The following SHANK2 variants were observed in gnomAD, a reference collection of about 807,000 sequenced individuals.
The protein encoded by SHANK2 is SH3 and multiple ankyrin repeat domains protein 2.
A neutral mutation model predicts 133.7 loss-of-function variants in SHANK2; 43 were observed. The observed-to-expected ratio is 0.32, with a 90% CI of 0.25 to 0.41. The LOEUF is 0.41. SHANK2 is among the 10% of genes least tolerant of loss of function. The probability of loss-of-function intolerance (pLI) is 1.00; values close to 1 mark genes in which losing one functional copy is unlikely to be tolerated. For missense variants in SHANK2, 1,994 were observed against 2,235.8 expected (o/e 0.89, Z 2.18); for synonymous variants, 1,017 against 952.8 (o/e 1.07, Z -1.24).
At chr11:70,930,265 G>A (rs1437654430) in intron 10 of SHANK2, among the ~76,000 whole-genome samples, 1 of 152,134 alleles carries the variant, frequency 6.6e-6, no homozygotes, top group African/African-American at 2.4e-5. Flanking sequence ...CACCACAGAC[G>A]TCATGCTCTG....
At chr11:70,754,889 C>A (rs1203096810) in intron 14 of SHANK2, among the ~76,000 whole-genome samples, 1 of 152,224 alleles carries the variant, frequency 6.6e-6, no homozygotes, top group East Asian at 1.9e-4. Context: ...AGATTTAACA[C>A]GGCCCCAGAT....
intron 10 of SHANK2, among the ~76,000 whole-genome samples, chr11:70,917,530 C>A (rs568241406): frequency 6.6e-6 from 1 of 152,142 alleles, no homozygotes; most frequent in Non-Finnish European, 1.5e-5. Context: ...GAATATAAAT[C>A]GTTCTATTAT....
At chr11:70,827,218 G>A (rs1469836219) in intron 11 of SHANK2, among the ~76,000 whole-genome samples, 3 of 150,522 alleles carry the variant, frequency 2.0e-5, no homozygotes, top group Non-Finnish European at 2.9e-5. Flanking sequence ...CCCACCCATC[G>A]AGGTAATTAC....
chr11:70,915,962 A>G (rs1255970392), intron 10 of SHANK2, among the ~76,000 whole-genome samples: 3 of 152,158 alleles, frequency 2.0e-5, no homozygotes, highest in Non-Finnish European at 2.9e-5. Flanking sequence ...AGACACAGAC[A>G]TGGGTTTCTG....
intron 14 of SHANK2, among the ~76,000 whole-genome samples, chr11:70,737,529 C>G (rs1039846488): frequency 3.3e-5 from 5 of 152,202 alleles, no homozygotes; most frequent in African/African-American, 1.2e-4. Flanking sequence ...GCATCTCGCT[C>G]CAGACATCCC....
chr11:70,946,911 TC>T (rs146706093), intron 10 of SHANK2, among the ~76,000 whole-genome samples: 3 of 137,494 alleles, frequency 2.2e-5, no homozygotes, highest in Admixed American at 7.2e-5. Flanking sequence ...AACCAACTCT[TC>T]CCCAGGCTCA....
At chr11:70,519,103 G>A (rs972318741) in intron 17 of SHANK2, among the ~76,000 whole-genome samples, 2 of 152,016 alleles carry the variant, frequency 1.3e-5, no homozygotes, top group African/African-American at 4.8e-5. Flanking sequence ...TAGAGATGGG[G>A]TCTTCCTGTG....
intron 11 of SHANK2, among the ~76,000 whole-genome samples, chr11:70,845,219 A>G (rs1457933390): frequency 1.3e-5 from 2 of 149,874 alleles, no homozygotes; most frequent in South Asian, 2.1e-4. Context: ...AAAAAAAAAA[A>G]GAAAAAGAAA....
chr11:70,600,440 AAAG>A (rs1346372853), intron 17 of SHANK2, among the ~76,000 whole-genome samples: 13 of 150,912 alleles, frequency 8.6e-5, no homozygotes, highest in African/African-American at 3.1e-4. Context: ...AAAAAAAAGA[AAAG>A]AAAAAGAAAA....
intron 2 of SHANK2, among the ~76,000 whole-genome samples, chr11:71,219,592 A>G (rs1555120685): frequency 1.3e-5 from 2 of 151,534 alleles, no homozygotes; most frequent in Non-Finnish European, 2.9e-5. Context: ...AAAAAACAAA[A>G]ACAAAAAAAA....
chr11:71,247,512 C>T (rs1185206136), intron 1 of SHANK2, among the ~76,000 whole-genome samples: 2 of 123,024 alleles, frequency 1.6e-5, no homozygotes, highest in African/African-American at 6.0e-5. Context: ...CAGGGACAGA[C>T]AAAAAAAAAA....
chr11:70,952,540 G>T (rs937253438), intron 10 of SHANK2, among the ~76,000 whole-genome samples: 11 of 152,232 alleles, frequency 7.2e-5, no homozygotes, highest in African/African-American at 2.7e-4. Context: ...GCAAAATGCA[G>T]TCTCTGGGTG....
At chr11:70,855,113 G>T (rs996485091) in intron 11 of SHANK2, among the ~76,000 whole-genome samples, 3 of 152,246 alleles carry the variant, frequency 2.0e-5, no homozygotes, top group African/African-American at 7.2e-5. Context: ...ATATGGCCCA[G>T]TGGCTCTGGC....
intron 8 of SHANK2, among the ~76,000 whole-genome samples, chr11:71,090,620 A>T (rs199996904): frequency 4.7e-5 from 5 of 105,796 alleles, no homozygotes; most frequent in Admixed American, 1.8e-4. Context: ...AGAGAAACAC[A>T]ACCTCTGTGT....
chr11:70,824,008 G>C (rs1555056695), intron 11 of SHANK2, among the ~76,000 whole-genome samples: 1 of 147,680 alleles, frequency 6.8e-6, no homozygotes, highest in African/African-American at 2.5e-5. Flanking sequence ...GCTCACAAGG[G>C]ACACATGTGG....
chr11:70,829,932 T>G (rs11237635), intron 11 of SHANK2, among the ~76,000 whole-genome samples: 6,453 of 152,234 alleles, frequency 0.042, 212 homozygotes, highest in East Asian at 0.16. Flanking sequence ...GGCCATGTGG[T>G]AGGCTCTCCG....
chr11:70,765,388 C>T (rs963802485), intron 14 of SHANK2, among the ~76,000 whole-genome samples: 6 of 152,162 alleles, frequency 3.9e-5, no homozygotes, highest in Admixed American at 1.3e-4. Flanking sequence ...TATGTGACTA[C>T]TAAAACAGCA....
chr11:70,574,990 A>T (rs1225701613), intron 17 of SHANK2, among the ~76,000 whole-genome samples: 2 of 152,178 alleles, frequency 1.3e-5, no homozygotes, highest in East Asian at 3.9e-4. Context: ...CTGCCCAACC[A>T]TCCCCATCCC....
At chr11:70,932,747 A>G (rs1159422286) in intron 10 of SHANK2, among the ~76,000 whole-genome samples, 2 of 152,218 alleles carry the variant, frequency 1.3e-5, no homozygotes, top group East Asian at 3.8e-4. Context: ...CATGCCTTCC[A>G]TACAATATTG....
Sources: allele counts gnomAD v4.1 joint callset (sites outside exome capture counted in the v4.1 genomes callset), GRCh38; gene constraint gnomAD v4.1.1; transcripts MANE v1.5; gene names NCBI Gene and HGNC (gene_info 2026-07-23, HGNC 2026-07-21).